Variants in CLOCK observed in about 807,000 individuals in gnomAD.
CLOCK encodes the protein clock circadian regulator.
CLOCK carries 43 observed loss-of-function variants against 118.4 expected under a neutral mutation model. The ratio of observed to expected loss-of-function variants is 0.36; its 90% CI spans 0.28 to 0.47. The LOEUF is 0.47. Ranked by LOEUF, CLOCK falls within the 20% of genes least tolerant of loss-of-function variation. CLOCK has a pLI of 1.00. For synonymous variants in CLOCK, 326 were observed against 339.2 expected, an observed-to-expected ratio of 0.96 and a Z score of 0.43; for missense variants, 846 against 999.9, an observed-to-expected ratio of 0.85 and a Z score of 2.08.
rs775767561 is a variant in CLOCK, at chr4:55,427,972, G to A, written c.*7443C>T. ...AAAATGTGATTCTTACAAGTTATGT[G>A]CCACATGAAGCAGGTGTTATTTTTT... On this transcript the variant is annotated 3_prime_UTR_variant, in exon 23 of 23. Transcript: ENST00000513440. 1 of 152,190 alleles carries A rather than the reference G, an allele frequency of 6.6e-6. No individual in the cohort carries two copies. The highest frequency in any genetic ancestry group is 1.5e-5 in the Non-Finnish European group (1 of 68,036). 9.4% of individuals were successfully genotyped at this position (152,190 alleles called of 1,614,324 possible).
At chr4:55,454,149 A>T (rs1176052981) in intron 13 of CLOCK, among the ~76,000 whole-genome samples, 1 of 152,136 alleles carries the variant, frequency 6.6e-6, no homozygotes, top group East Asian at 1.9e-4. Context: ...ATCACCCCTG[A>T]GTTTTTTCTC....
In CLOCK at chr4:55,428,773, T is replaced by G. The variant is rs1722341323; in HGVS notation, c.*6642A>C. ...CCAACTGATGTTAACAATGAAAAAT[T>G]TACAAAGGTAAAACTTTTTTTTTTT... On this transcript the variant is annotated 3_prime_UTR_variant, in exon 23 of 23. Transcript: ENST00000513440. 1 of 151,808 alleles carries G rather than the reference T, an allele frequency of 6.6e-6. No individual in the cohort carries two copies. Among genetic ancestry groups the G allele is most frequent in the Non-Finnish European group, 1.5e-5 (1 of 67,978 alleles). The allele number at this position is 151,808 out of a possible 1,614,324, so 9.4% of individuals were successfully genotyped here. A position where few individuals can be genotyped will look rare whatever the true frequency, so the allele number is the denominator to read the frequency against.
intron 2 of CLOCK, among the ~76,000 whole-genome samples, chr4:55,504,111 T>C (rs539947862): frequency 9.7e-4 from 145 of 149,156 alleles, no homozygotes; most frequent in African/African-American, 3.3e-3. Flanking sequence ...AGTGAAACCC[T>C]GTCTCTACTA....
At chr4:55,466,261 T>G in intron 8 of CLOCK, among the ~76,000 whole-genome samples, 1 of 152,150 alleles carries the variant, frequency 6.6e-6, no homozygotes, top group African/African-American at 2.4e-5. Flanking sequence ...GGCTCAGCAC[T>G]TCTGCTTCCT....
In CLOCK at chr4:55,445,582, C is replaced by CTTTTTTTTTTTTT. The variant is rs56157186; in HGVS notation, c.1540-810_1540-798dup. Among the ~76,000 whole-genome samples, 343 of 68,592 alleles carry CTTTTTTTTTTTTT rather than the reference C, an allele frequency of 5.0e-3. 58 individuals carry two copies. The highest frequency in any genetic ancestry group is 6.3e-3 in the African/African-American group (118 of 18,616). The allele number at this position is 68,592 out of a possible 152,430, so 45.0% of individuals were successfully genotyped here. On this transcript the variant is annotated intron_variant, in intron 18 of 22. Coordinates refer to ENST00000513440, the MANE Select transcript of CLOCK (RefSeq NM_004898.4). Reference sequence around the variant, plus strand: ...TCTCTGCATCTGCTATTTCTATATTCTTTTTTTTTTTTTTTTTTTTTTTTT... The same window carrying CTTTTTTTTTTTTT: ...TCTCTGCATCTGCTATTTCTATATTCTTTTTTTTTTTTTTTTTTTTTTTTTTTTTTTTTTTTTT...
At chr4:55,446,580 C>T (rs1255182765) in intron 18 of CLOCK, among the ~76,000 whole-genome samples, 1 of 152,056 alleles carries the variant, frequency 6.6e-6, no homozygotes, top group Non-Finnish European at 1.5e-5. Context: ...CTTTTAAAGA[C>T]TAGGCAAGTA....
intron 1 of CLOCK, among the ~76,000 whole-genome samples, chr4:55,530,886 G>A (rs940953403): frequency 6.6e-6 from 1 of 151,304 alleles, no homozygotes; most frequent in African/African-American, 2.4e-5. Context: ...ATGCAGACAC[G>A]GAATAGCTCA....
intron 8 of CLOCK, among the ~76,000 whole-genome samples, chr4:55,465,116 T>C (rs1725646978): frequency 6.6e-6 from 1 of 152,198 alleles, no homozygotes; most frequent in Non-Finnish European, 1.5e-5. Flanking sequence ...CAACCATGGA[T>C]CAAAACTATT....
intron 1 of CLOCK, among the ~76,000 whole-genome samples, chr4:55,511,510 G>A (rs1729144465): frequency 6.6e-6 from 1 of 152,088 alleles, no homozygotes; most frequent in African/African-American, 2.4e-5. Context: ...AAAAAACTGA[G>A]GGTAAAGTAC....
At chr4:55,515,600 G>A (rs1729458324) in intron 1 of CLOCK, among the ~76,000 whole-genome samples, 1 of 152,054 alleles carries the variant, frequency 6.6e-6, no homozygotes, top group Non-Finnish European at 1.5e-5. Context: ...AGCCAGGATG[G>A]TCTCAATCTC....
chr4:55,456,193 T>C (rs948509851), intron 12 of CLOCK, 25 bp downstream of exon 12: 7 of 1,506,866 alleles, frequency 4.6e-6, no homozygotes, highest in Non-Finnish European at 6.4e-6. Flanking sequence ...TATTACCTTT[T>C]CATGGAATTT....
intron 1 of CLOCK, among the ~76,000 whole-genome samples, chr4:55,514,334 G>A (rs908738752): frequency 1.3e-5 from 2 of 152,034 alleles, no homozygotes; most frequent in Non-Finnish European, 2.9e-5. Flanking sequence ...ACTGCATTTA[G>A]GCTGTTATGT....
intron 15 of CLOCK, among the ~76,000 whole-genome samples, chr4:55,450,851 T>A (rs6820119): frequency 1.3e-5 from 2 of 151,422 alleles, no homozygotes; most frequent in Admixed American, 6.6e-5. Flanking sequence ...CAAGAAAACA[T>A]AGGGGAGAAA....
chr4:55,445,876 A>T (rs62303693), intron 18 of CLOCK, among the ~76,000 whole-genome samples: 14,612 of 151,966 alleles, frequency 0.096, 981 homozygotes, highest in Non-Finnish European at 0.13. Flanking sequence ...GAATACAGGC[A>T]TGAGCCACCA....
rs150012219 is a variant in CLOCK at position 55,444,740 on chromosome 4, G to T, written c.1585C>A (p.Gln529Lys). The change falls in exon 19 of 23, where the codon CAA becomes AAA. Residue 529 changes from glutamine to lysine, a missense_variant. Transcript: ENST00000513440. ...QLGAMQHLKD[Q>K]LEQRTRMIEA... ...ATCATGCGTGTCCGTTGTTCCAATT[G>T]GTCTTTCAGATGTTGCATGGCTCCT... is the stretch of plus-strand genomic sequence containing the variant. 1 of 1,613,964 alleles carries T rather than the reference G, an allele frequency of 6.2e-7. No individual in the cohort carries two copies. Among genetic ancestry groups the T allele is most frequent in the East Asian group, 2.2e-5 (1 of 44,846 alleles).
intron 3 of CLOCK, among the ~76,000 whole-genome samples, chr4:55,483,931 A>G (rs990731280): frequency 2.0e-5 from 3 of 152,162 alleles, no homozygotes; most frequent in African/African-American, 7.2e-5. Context: ...CTAATCTGAA[A>G]ACCTGAAATC....
intron 1 of CLOCK, among the ~76,000 whole-genome samples, chr4:55,537,468 A>C (rs1199505582): frequency 1.3e-5 from 2 of 152,008 alleles, no homozygotes; most frequent in African/African-American, 4.8e-5. Context: ...AAAATACAAA[A>C]ATTAGCCAGG....
chr4:55,473,086 G>A (rs769106868), intron 7 of CLOCK, among the ~76,000 whole-genome samples: 2 of 152,112 alleles, frequency 1.3e-5, no homozygotes, highest in African/African-American at 4.8e-5. Context: ...TTAGCTCGGC[G>A]TGGTGACACA....
chr4:55,498,581 A>T (rs1728232442), intron 2 of CLOCK, among the ~76,000 whole-genome samples: 1 of 147,636 alleles, frequency 6.8e-6, no homozygotes, highest in South Asian at 2.2e-4. Flanking sequence ...TTTCAAATTT[A>T]AAAAATTGAT....
Sources: allele counts gnomAD v4.1 joint callset (sites outside exome capture counted in the v4.1 genomes callset), GRCh38; gene constraint gnomAD v4.1.1; transcripts MANE v1.5; gene names NCBI Gene and HGNC (gene_info 2026-07-23, HGNC 2026-07-21).